Variants in ADCY4 observed in about 807,000 individuals in gnomAD.
ADCY4 encodes adenylate cyclase 4, also known as adenylate cyclase type 4.
Under a neutral mutation model 125.5 loss-of-function variants are expected in ADCY4, and 111 were observed. That is an observed-to-expected ratio of 0.88 (90% confidence interval 0.76 to 1.04). The LOEUF (loss-of-function observed/expected upper bound fraction) is 1.04. Among genes scored for constraint, ADCY4 ranks in the 50% least tolerant of loss-of-function variants. The pLI, the probability that ADCY4 is intolerant of heterozygous loss-of-function variation, is 0.00. For missense variants in ADCY4, 1,256 were observed against 1,382.9 expected (o/e 0.91, Z 1.46); for synonymous variants, 576 against 586.9 (o/e 0.98, Z 0.27).
Position 24,332,843 on chromosome 14 carries a change from G to T in ADCY4, c.305C>A (p.Ala102Glu). The stretch of plus-strand genomic sequence containing the variant: ...GGTGAACAGGAAGGCGTGGCCTAGC[G>T]CTAGCAGCGCGACCCATACCAAGCC... ...LSGLVWVALLALGHAFLFTGG... is the reference protein window; with the variant it reads ...LSGLVWVALLELGHAFLFTGG... The change falls in exon 2 of 25, where the codon GCG becomes GAG. Residue 102 changes from alanine to glutamate, a missense_variant. Coordinates refer to ENST00000418030, the MANE Select transcript of ADCY4 (RefSeq NM_001198568.2). 1 of 1,593,036 alleles carries T rather than the reference G, an allele frequency of 6.3e-7. No homozygotes were observed. Among genetic ancestry groups the T allele is most frequent in the African/African-American group, 1.3e-5 (1 of 74,746 alleles).
intron 6 of ADCY4, chr14:24,330,499 C>A (rs2042024743): frequency 1.5e-6 from 1 of 679,814 alleles, no homozygotes; most frequent in Non-Finnish European, 2.3e-6. Context: ...AGAGTTTCCC[C>A]AAGGGCTGGA....
At chr14:24,323,998 C>A in intron 16 of ADCY4, 64 bp downstream of exon 16, 1 of 1,566,990 alleles carries the variant, frequency 6.4e-7, no homozygotes, top group Non-Finnish European at 8.7e-7. Context: ...CAGGGGTTCC[C>A]TTTCAGTCCC....
Position 24,318,639 on chromosome 14 carries a change from A to G in ADCY4, c.3081+15T>C. On this transcript the variant is annotated intron_variant, in intron 24 of 24. Coordinates refer to ENST00000418030, the MANE Select transcript of ADCY4 (RefSeq NM_001198568.2). Reference sequence around the variant, plus strand: ...TAGTCCCCCTCCCCCTATGCCTCCAATGTGGTTCCCTCACTTGGATTTTGC... The same window carrying G: ...TAGTCCCCCTCCCCCTATGCCTCCAGTGTGGTTCCCTCACTTGGATTTTGC... The G allele has an allele frequency of 1.2e-6, 2 of 1,614,060 alleles. No individual in the cohort carries two copies. The highest frequency in any genetic ancestry group is 1.7e-6 in the Non-Finnish European group (2 of 1,179,978).
intron 20 of ADCY4, among the ~76,000 whole-genome samples, chr14:24,320,211 G>T (rs968816117): frequency 6.6e-5 from 10 of 152,158 alleles, no homozygotes; most frequent in Admixed American, 5.2e-4. Flanking sequence ...AGGTGTTTAA[G>T]TCAATTAAGC....
Position 24,323,174 on chromosome 14 carries a change from G to A in ADCY4, c.2158-86C>T, listed in dbSNP as rs1183465883. 5 of 1,495,216 alleles carry A rather than the reference G, an allele frequency of 3.3e-6. No homozygotes were observed. The African/African-American group carries it at 4.1e-5, about 12-fold the overall frequency. 92.6% of individuals were successfully genotyped at this position (1,495,216 alleles called of 1,614,324 possible). On this transcript the variant is annotated intron_variant, in intron 17 of 24. Transcript: ENST00000418030. Reference sequence around the variant, plus strand: ...AGGGCTCCCTTCCTGTCCCTCCCAGGCCCAGGTCCTATCTGGGAGACAGGG... The same window carrying A: ...AGGGCTCCCTTCCTGTCCCTCCCAGACCCAGGTCCTATCTGGGAGACAGGG...
intron 10 of ADCY4, 47 bp from the exon 11 acceptor site, chr14:24,326,389 T>C (rs754681348): frequency 6.2e-7 from 1 of 1,607,804 alleles, no homozygotes; most frequent in Non-Finnish European, 8.5e-7. Context: ...GTGTTTTCCC[T>C]GCAGTGAGGT....
Position 24,319,916 on chromosome 14 carries a change from G to A in ADCY4, c.2587-28C>T, listed in dbSNP as rs1368279201. On this transcript the variant is annotated intron_variant, in intron 20 of 24. Coordinates refer to ENST00000418030, the MANE Select transcript of ADCY4 (RefSeq NM_001198568.2). This position sits in a 1 kb window ranked among gnomAD's most constrained non-coding sequence, Gnocchi z 4.5. ...GGGGGAACAGGAGACTGGAGTGAGG[G>A]GTGTGTGTCATGTTCCTCTCCCTTC... The A allele has an allele frequency of 1.2e-6, 2 of 1,610,166 alleles. No homozygotes were observed. Among genetic ancestry groups the A allele is most frequent in the Non-Finnish European group, 8.5e-7 (1 of 1,179,370 alleles).
intron 20 of ADCY4, chr14:24,321,615 T>C: frequency 5.7e-6 from 1 of 174,112 alleles, no homozygotes; most frequent in Non-Finnish European, 1.1e-5. Flanking sequence ...ACCCCTTGCA[T>C]GTGCAGTTCA....
At position 24,330,177 on chromosome 14, in the gene ADCY4, C is replaced by CGGCACATGTCCA. The variant is rs2042019606; in HGVS notation, c.1037_1048dup (p.Leu346_Cys349dup). ...CACCGCCTGAGCTGACCTGATGGCC[C>CGGCACATGTCCA]GGCACATGTCCAGGCCCATGCGCAC... On this transcript the variant is annotated inframe_insertion, in exon 7 of 25. Transcript: ENST00000418030. 1 of 1,613,802 alleles carries CGGCACATGTCCA rather than the reference C, an allele frequency of 6.2e-7. No homozygotes were observed. The highest frequency in any genetic ancestry group is 8.5e-7 in the Non-Finnish European group (1 of 1,179,802).
Position 24,319,340 on chromosome 14 carries a change from C to A in ADCY4, c.2830G>T (p.Asp944Tyr). ...AAGGGTTGCCGTACCTGTTGTGCAT[C>A]CTGTCCAGAGGTGGCATTTAAGCCT... The part of the protein sequence containing the change: ...ATGLNATSGQ[D>Y]AQQDAERSCS... The change falls in exon 22 of 25, where the codon GAT (aspartate) becomes TAT (tyrosine). Residue 944 changes from aspartate (D) to tyrosine (Y), a missense_variant. Asp to Tyr is a radical substitution (Grantham distance 160). Transcript: ENST00000418030. This position sits in a 1 kb window ranked among gnomAD's most constrained non-coding sequence, Gnocchi z 4.5. The A allele has an allele frequency of 6.2e-7, 1 of 1,614,166 alleles. No homozygotes were observed. The highest frequency in any genetic ancestry group is 8.5e-7 in the Non-Finnish European group (1 of 1,180,022).
At position 24,330,272 on chromosome 14, in the gene ADCY4, C is replaced by G; in HGVS notation, c.954G>C (p.Lys318Asn). The stretch of plus-strand genomic sequence containing the variant: ...CACAGTAGTAACAGTCCCCCAGGAT[C>G]TTGATCCGCATGCATTCATGCTCCT... ...IAKEHECMRI[K>N]ILGDCYYCVS... The change falls in exon 7 of 25, where the codon AAG becomes AAC. Residue 318 changes from lysine to asparagine, a missense_variant. Transcript: ENST00000418030. 1 of 1,614,188 alleles carries G rather than the reference C, an allele frequency of 6.2e-7. No individual in the cohort carries two copies. The highest frequency in any genetic ancestry group is 8.5e-7 in the Non-Finnish European group (1 of 1,180,050).
In ADCY4 at chr14:24,323,103, A is replaced by C; in HGVS notation, c.2158-15T>G. 1.2e-6 allele frequency: 2 copies of C among 1,612,792 alleles called. No individual in the cohort carries two copies. Among genetic ancestry groups the C allele is most frequent in the Non-Finnish European group, 1.7e-6 (2 of 1,179,156 alleles). The stretch of plus-strand genomic sequence containing the variant: ...TGCATGGAGTACTGTGGGGCCAGGC[A>C]GGGGTCAGGAGTGGGCATGTCCCAT... On this transcript the variant is annotated splice_polypyrimidine_tract_variant and intron_variant, in intron 17 of 24. Coordinates refer to ENST00000418030, the MANE Select transcript of ADCY4 (RefSeq NM_001198568.2).
chr14:24,322,024 C>A lies in ADCY4; in HGVS notation c.2586+42G>T, dbSNP rs565852700. On this transcript the variant is annotated intron_variant, in intron 20 of 24. Coordinates refer to ENST00000418030, the MANE Select transcript of ADCY4 (RefSeq NM_001198568.2). ...CAAGGCTTTCATCTGAAATTAGGCC[C>A]TATGGCATCCGTGGCTCAGGAGTCA... 8.9e-6 allele frequency: 14 copies of A among 1,580,428 alleles called. No homozygotes were observed. In the South Asian group the frequency reaches 1.6e-4, roughly 18 times the overall value.
chr14:24,322,126 C>T lies in ADCY4; in HGVS notation c.2526G>A (p.Leu842=), dbSNP rs1476774673. The change falls in exon 20 of 25, where the codon TTG becomes TTA. Residue 842 remains leucine, a synonymous_variant. Transcript: ENST00000418030. The stretch of plus-strand genomic sequence containing the variant: ...CCACGTGTGCAGGGAGCACGTTCTC[C>T]AAGAGCAGCCGAGTCAGGTTCTCCA... ...ETMENLTRLL[L]ENVLPAHVAP... The T allele has an allele frequency of 1.2e-6, 2 of 1,614,152 alleles. No homozygotes were observed. The highest frequency in any genetic ancestry group is 8.5e-7 in the Non-Finnish European group (1 of 1,180,006).
chr14:24,323,376 G>A lies in ADCY4; in HGVS notation c.2125C>T (p.Leu709Phe). The change falls in exon 17 of 25, where the codon CTC becomes TTC. Residue 709 changes from leucine to phenylalanine, a missense_variant. Coordinates refer to ENST00000418030, the MANE Select transcript of ADCY4 (RefSeq NM_001198568.2). ...SSMISNLSWE[L>F]PGSLPLISVP... ...CTGATGAGAGGCAGAGACCCAGGGA[G>A]CTCCCAGGAGAGGTTGGAAATCATG... 6.4e-7 allele frequency: 1 copy of A among 1,556,872 alleles called. No homozygotes were observed. The highest frequency in any genetic ancestry group is 1.2e-5 in the South Asian group (1 of 84,420).
In ADCY4 at chr14:24,319,345, C is replaced by T. The variant is rs982000290; in HGVS notation, c.2825G>A (p.Gly942Glu). 17 of 1,614,030 alleles carry T rather than the reference C, an allele frequency of 1.1e-5. No homozygotes were observed. In the Admixed American group the frequency reaches 2.0e-4, roughly 19 times the overall value. Residue 942 changes from glycine (G) to glutamate (E), a missense_variant, in exon 22 of 25, where the codon GGA becomes GAA. By Grantham distance (98) the Gly-to-Glu change is moderately conservative (BLOSUM62 -2). Coordinates refer to ENST00000418030, the MANE Select transcript of ADCY4 (RefSeq NM_001198568.2). This position sits in a 1 kb window ranked among gnomAD's most constrained non-coding sequence, Gnocchi z 4.5. ...MAATGLNATS[G>E]QDAQQDAERS... is the part of the protein sequence containing the mutation. ...TTGCCGTACCTGTTGTGCATCCTGT[C>T]CAGAGGTGGCATTTAAGCCTGTGGC...
chr14:24,322,317 A>C, intron 19 of ADCY4, 93 bp from the exon 20 acceptor site: 2 of 1,398,040 alleles, frequency 1.4e-6, no homozygotes, highest in Non-Finnish European at 1.9e-6. Flanking sequence ...GCCTGAAACC[A>C]CCCCCACCCC....
intron 6 of ADCY4, chr14:24,330,796 T>C: frequency 1.8e-6 from 1 of 540,876 alleles, no homozygotes; most frequent in East Asian, 2.9e-5. Context: ...ACTTGGGACA[T>C]CTGTGGCGAT....
chr14:24,331,003 G>A lies in ADCY4; in HGVS notation c.930+15C>T. 1 of 1,584,632 alleles carries A rather than the reference G, an allele frequency of 6.3e-7. No individual in the cohort carries two copies. Among genetic ancestry groups the A allele is most frequent in the Non-Finnish European group, 8.6e-7 (1 of 1,160,422 alleles). ...GTTTGAGGGTCCCTGGGTGGGGAGG[G>A]AAGTCTTCTCTGACCTTGGCAATCT... On this transcript the variant is annotated intron_variant, in intron 6 of 24. Coordinates refer to ENST00000418030, the MANE Select transcript of ADCY4 (RefSeq NM_001198568.2).
Sources: gnomAD v4.1 joint callset for allele counts (sites outside exome capture counted in the v4.1 genomes callset) on GRCh38, gnomAD v4.1.1 for gene constraint, Gnocchi (gnomAD v3.1) non-coding constraint, MANE v1.5 for transcripts, NCBI Gene and HGNC (gene_info 2026-07-23, HGNC 2026-07-21) for gene names.